Variants in USP15 observed in about 807,000 individuals in gnomAD.
The protein encoded by USP15 is ubiquitin carboxyl-terminal hydrolase 15.
USP15 carries 18 observed loss-of-function variants against 127.1 expected under a neutral mutation model. That is an observed-to-expected ratio of 0.14 (90% CI 0.10 to 0.21). The LOEUF (loss-of-function observed/expected upper bound fraction) is 0.21. USP15 is among the 10% of genes least tolerant of loss of function. The probability of loss-of-function intolerance (pLI) is 1.00; values close to 1 mark genes in which losing one functional copy is unlikely to be tolerated. For missense variants in USP15, 805 were observed against 1,159.9 expected (o/e 0.69, Z 4.44); for synonymous variants, 364 against 393.7 (o/e 0.92, Z 0.89).
Position 62,341,406 on chromosome 12 carries a change from T to C in USP15, c.684-7815T>C, listed in dbSNP as rs546669743. Among the ~76,000 whole-genome samples, 49 of 152,332 alleles carry C rather than the reference T, an allele frequency of 3.2e-4. 1 individual carries two copies. The highest frequency in any genetic ancestry group is 1.0e-3 in the African/African-American group (43 of 41,594). ...AAGGCTAAATATTGTTATGTGTGAA[T>C]TTGATCCAGTCATCATGATGCTAGC... On this transcript the variant is annotated intron_variant, in intron 6 of 21. Coordinates refer to ENST00000280377, the MANE Select transcript of USP15 (RefSeq NM_001252078.2).
chr12:62,315,858 G>A (rs1253742188), intron 4 of USP15, among the ~76,000 whole-genome samples: 2 of 152,122 alleles, frequency 1.3e-5, no homozygotes, highest in South Asian at 2.1e-4. Flanking sequence ...TGAAATAGTA[G>A]CATTATTCAA....
intron 2 of USP15, among the ~76,000 whole-genome samples, chr12:62,296,256 A>G (rs961001153): frequency 2.6e-5 from 4 of 152,184 alleles, no homozygotes; most frequent in African/African-American, 9.6e-5. Flanking sequence ...CAGGGGTGAT[A>G]TCTTGACTTC....
chr12:62,337,942 C>T (rs2065523993), intron 6 of USP15, among the ~76,000 whole-genome samples: 1 of 152,118 alleles, frequency 6.6e-6, no homozygotes, highest in South Asian at 2.1e-4. Context: ...AATAAACATA[C>T]ATGTGCATGT....
At chr12:62,323,194 A>G (rs1461204227) in intron 5 of USP15, among the ~76,000 whole-genome samples, 1 of 152,124 alleles carries the variant, frequency 6.6e-6, no homozygotes, top group Non-Finnish European at 1.5e-5. Context: ...TTTGTTTTGT[A>G]TCGTTCATTA....
rs2137108982 is a variant in USP15 at position 62,284,624 on chromosome 12, T to C, written c.90-9555T>C. Among the ~76,000 whole-genome samples, 2 of 152,292 alleles carry C rather than the reference T, an allele frequency of 1.3e-5. 1 individual carries two copies. The highest frequency in any genetic ancestry group is 4.1e-4 in the South Asian group (2 of 4,826). Reference sequence around the variant, plus strand: ...AGAATGGATAATCTTCTAAAAAGCTTTGTTACCTGTAGTATTACACACATG... The same window carrying C: ...AGAATGGATAATCTTCTAAAAAGCTCTGTTACCTGTAGTATTACACACATG... On this transcript the variant is annotated intron_variant, in intron 1 of 21. Transcript: ENST00000280377.
chr12:62,336,427 C>T lies in USP15; in HGVS notation c.683+10494C>T, dbSNP rs2065468164. 10 of 985,334 alleles carry T rather than the reference C, an allele frequency of 1.0e-5. No individual in the cohort carries two copies. In the South Asian group the frequency reaches 3.8e-4, roughly 37 times the overall value. 61.0% of individuals were successfully genotyped at this position (985,334 alleles called of 1,614,324 possible). ...GAGTTCCTCCTCCAGCCTTTCTTCT[C>T]TTGTCTAGTTAGTCAGCAAGTCTTG... On this transcript the variant is annotated intron_variant, in intron 6 of 21. Transcript: ENST00000280377.
At chr12:62,366,505 A>G (rs1375019568) in intron 8 of USP15, among the ~76,000 whole-genome samples, 1 of 152,212 alleles carries the variant, frequency 6.6e-6, no homozygotes, top group Non-Finnish European at 1.5e-5. Context: ...AACAGAGACA[A>G]TTTGACTTCC....
intron 3 of USP15, chr12:62,313,876 TA>T: frequency 1.1e-5 from 2 of 182,158 alleles, no homozygotes; most frequent in Non-Finnish European, 2.1e-5. Flanking sequence ...GACAAGTTTG[TA>T]AAGTCCTCTT....
rs1000730107 is a variant in USP15 at position 62,340,321 on chromosome 12, C to A, written c.684-8900C>A. On this transcript the variant is annotated intron_variant, in intron 6 of 21. Coordinates refer to ENST00000280377, the MANE Select transcript of USP15 (RefSeq NM_001252078.2). ...AGCAGTCTATCTATTTTATTTTTTT[C>A]CAAAAAACCAGCTCCTGGATTCGTT... Among the ~76,000 whole-genome samples, 8 of 151,658 alleles carry A rather than the reference C, an allele frequency of 5.3e-5. 1 individual carries two copies. The highest frequency in any genetic ancestry group is 4.2e-4 in the South Asian group (2 of 4,808).
intron 8 of USP15, among the ~76,000 whole-genome samples, chr12:62,357,972 G>A (rs1020357726): frequency 6.6e-6 from 1 of 152,020 alleles, no homozygotes; most frequent in Non-Finnish European, 1.5e-5. Flanking sequence ...TATTTCTTCA[G>A]TATGCTTTTT....
Position 62,264,218 on chromosome 12 carries a change from A to G in USP15, c.89+3715A>G, listed in dbSNP as rs545364005. 2.0e-5 allele frequency among the ~76,000 whole-genome samples: 3 copies of G among 152,286 alleles called. No homozygotes were observed. In the East Asian group the frequency reaches 5.8e-4, roughly 29 times the overall value. On this transcript the variant is annotated intron_variant, in intron 1 of 21. Coordinates refer to ENST00000280377, the MANE Select transcript of USP15 (RefSeq NM_001252078.2). ...GGGTTGGTCTCGAACTCCTGGCCTC[A>G]AGTGATCTGCCTACCTTGGCCTCCC... is the stretch of plus-strand genomic sequence containing the variant.
intron 3 of USP15, among the ~76,000 whole-genome samples, chr12:62,306,823 A>G (rs1359312199): frequency 6.6e-6 from 1 of 152,172 alleles, no homozygotes; most frequent in Non-Finnish European, 1.5e-5. Context: ...CTGGCAGCCA[A>G]GGGTGTGACT....
intron 6 of USP15, among the ~76,000 whole-genome samples, chr12:62,340,682 G>T (rs761015915): frequency 5.9e-5 from 9 of 152,162 alleles, no homozygotes; most frequent in Non-Finnish European, 1.2e-4. Flanking sequence ...CCATGTAGTT[G>T]TGCCATTTTG....
intron 6 of USP15, among the ~76,000 whole-genome samples, chr12:62,345,566 C>G (rs915306408): frequency 6.6e-6 from 1 of 152,208 alleles, no homozygotes; most frequent in Non-Finnish European, 1.5e-5. Flanking sequence ...ACCTCTCTGC[C>G]TATTACCCAG....
Position 62,312,690 on chromosome 12 carries a change from C to A in USP15, c.349-2100C>A, listed in dbSNP as rs190336432. Among the ~76,000 whole-genome samples the A allele has an allele frequency of 5.9e-4, 89 of 151,546 alleles. 1 individual carries two copies. Among genetic ancestry groups the A allele is most frequent in the Non-Finnish European group, 1.2e-3 (80 of 67,554 alleles). On this transcript the variant is annotated intron_variant, in intron 3 of 21. Transcript: ENST00000280377. ...ACATAACTATCACTTCTGAATATCC[C>A]CCTTCCGATCTTATTTCAAATACAT...
In USP15 at chr12:62,360,853, TCC is replaced by T. The variant is rs1295596439; in HGVS notation, c.915+5379_915+5380del. 4.6e-5 allele frequency among the ~76,000 whole-genome samples: 7 copies of T among 152,122 alleles called. 1 individual carries two copies. The South Asian group carries it at 1.5e-3, about 32-fold the overall frequency. ...GGATGTTAAACTCAATTATGTGAGT[TCC>T]TTTCATGTTATGTGCCAGAAATTAC... On this transcript the variant is annotated intron_variant, in intron 8 of 21. Transcript: ENST00000280377.
intron 6 of USP15, among the ~76,000 whole-genome samples, chr12:62,347,519 T>C (rs1262120397): frequency 6.6e-6 from 1 of 152,014 alleles, no homozygotes. Context: ...TTTAAAAAAT[T>C]AACCTCCTTA....
intron 8 of USP15, among the ~76,000 whole-genome samples, chr12:62,373,365 C>G (rs983750533): frequency 2.0e-5 from 3 of 151,826 alleles, no homozygotes; most frequent in African/African-American, 7.3e-5. Flanking sequence ...ATTTATACTT[C>G]CTAGAACTTT....
chr12:62,415,213 A>G lies in USP15; in HGVS notation c.*10838A>G, dbSNP rs187362888. 1.3e-5 allele frequency: 2 copies of G among 152,336 alleles called. No homozygotes were observed. The highest frequency in any genetic ancestry group is 3.9e-4 in the East Asian group (2 of 5,186). 9.4% of individuals were successfully genotyped at this position (152,336 alleles called of 1,614,324 possible). A position where few individuals can be genotyped will look rare whatever the true frequency, so the allele number is the denominator to read the frequency against. On this transcript the variant is annotated 3_prime_UTR_variant, in exon 22 of 22. Coordinates refer to ENST00000280377, the MANE Select transcript of USP15 (RefSeq NM_001252078.2). ...CTGGCTAAAGACCCAGGAAGACTGAATGTTTCAGTTTTAGTGCAAAGGCAG... is the reference window on the plus strand; with the variant it reads ...CTGGCTAAAGACCCAGGAAGACTGAGTGTTTCAGTTTTAGTGCAAAGGCAG...
Sources: allele counts gnomAD v4.1 joint callset (sites outside exome capture counted in the v4.1 genomes callset), GRCh38; gene constraint gnomAD v4.1.1; transcripts MANE v1.5; gene names NCBI Gene and HGNC (gene_info 2026-07-23, HGNC 2026-07-21).